The following CSNK1A1 variants were observed in gnomAD, a reference collection of about 807,000 sequenced individuals.
The protein encoded by CSNK1A1 is casein kinase I isoform alpha.
A neutral mutation model predicts 46.1 loss-of-function variants in CSNK1A1; 7 were observed. The ratio of observed to expected loss-of-function variants is 0.15; its 90% confidence interval spans 0.09 to 0.29. The LOEUF is 0.29. Ranked by LOEUF, CSNK1A1 falls within the 10% of genes least tolerant of loss-of-function variation. The pLI, the probability that CSNK1A1 is intolerant of heterozygous loss-of-function variation, is 1.00. For synonymous variants in CSNK1A1, 137 were observed against 141.5 expected (o/e 0.97, Z 0.23); for missense variants, 96 against 417.1 (o/e 0.23, Z 6.71).
chr5:149,497,123 T>G, intron 9 of CSNK1A1: 1 of 1,198,954 alleles, frequency 8.3e-7, no homozygotes, highest in Non-Finnish European at 1.0e-6. Context: ...AAATAATTAT[T>G]AGTAATTCAA....
intron 3 of CSNK1A1, among the ~76,000 whole-genome samples, chr5:149,521,239 C>A (rs549424890): frequency 1.1e-4 from 16 of 149,414 alleles, no homozygotes; most frequent in Non-Finnish European, 1.9e-4. Flanking sequence ...CTGCCTTCCA[C>A]AATAGGCTGT....
Position 149,525,825 on chromosome 5 carries a change from A to G in CSNK1A1, c.231-654T>C, listed in dbSNP as rs1761712173. On this transcript the variant is annotated intron_variant, in intron 2 of 9. Transcript: ENST00000377843. The surrounding 1 kb of genome is among the most constrained non-coding windows in gnomAD (Gnocchi z 4.2). Reference sequence around the variant, plus strand: ...CCAATTTCATTTATCCCAAGGACTGAAAATCACTGCAATAAATTATTTCAA... The same window carrying G: ...CCAATTTCATTTATCCCAAGGACTGGAAATCACTGCAATAAATTATTTCAA... Among the ~76,000 whole-genome samples the G allele has an allele frequency of 6.6e-6, 1 of 152,230 alleles. No individual in the cohort carries two copies. The highest frequency in any genetic ancestry group is 1.5e-5 in the Non-Finnish European group (1 of 68,038).
intron 3 of CSNK1A1, 89 bp downstream of exon 3, chr5:149,524,956 A>G: frequency 8.2e-7 from 1 of 1,225,326 alleles, no homozygotes; most frequent in Non-Finnish European, 1.1e-6. Flanking sequence ...ATAGTGATGC[A>G]CAGGATTTTA....
chr5:149,523,845 T>G (rs1465045773), intron 3 of CSNK1A1, among the ~76,000 whole-genome samples: 1 of 152,226 alleles, frequency 6.6e-6, no homozygotes, highest in African/African-American at 2.4e-5. Flanking sequence ...TCTAGCTATT[T>G]TGAAATAAAC....
Position 149,525,905 on chromosome 5 carries a change from C to T in CSNK1A1, c.231-734G>A, listed in dbSNP as rs548181123. Among the ~76,000 whole-genome samples, 1 of 152,304 alleles carries T rather than the reference C, an allele frequency of 6.6e-6. No individual in the cohort carries two copies. The highest frequency in any genetic ancestry group is 2.1e-4 in the South Asian group (1 of 4,828). ...ACTTTCCTTAAAATAAGCACTACCA[C>T]TTTTCTTTCAAACTTTTCTAGATAT... On this transcript the variant is annotated intron_variant, in intron 2 of 9. Transcript: ENST00000377843. This position sits in a 1 kb window ranked among gnomAD's most constrained non-coding sequence, Gnocchi z 4.2.
chr5:149,501,067 A>C, intron 9 of CSNK1A1: 1 of 985,392 alleles, frequency 1.0e-6, no homozygotes, highest in Non-Finnish European at 1.2e-6. Flanking sequence ...ATTCAACACC[A>C]CTGAGTCATA....
chr5:149,551,024 G>A lies in CSNK1A1; in HGVS notation c.-60C>T. 1.9e-6 allele frequency: 3 copies of A among 1,600,340 alleles called. No individual in the cohort carries two copies. Among genetic ancestry groups the A allele is most frequent in the South Asian group, 1.1e-5 (1 of 90,810 alleles). ...CCGACACCTCTGGGAAGAGGACGGA[G>A]GCCTCGGGGCTCCTACACTAGGCAA... On this transcript the variant is annotated 5_prime_UTR_variant, in exon 1 of 10. Transcript: ENST00000377843.
intron 8 of CSNK1A1, among the ~76,000 whole-genome samples, chr5:149,505,799 G>A (rs944039959): frequency 6.6e-6 from 1 of 152,140 alleles, no homozygotes; most frequent in African/African-American, 2.4e-5. Context: ...TTATCTAGGG[G>A]AATACTCATA....
intron 4 of CSNK1A1, 22 bp downstream of exon 4, chr5:149,520,268 A>G (rs1761529118): frequency 3.5e-6 from 5 of 1,411,684 alleles, no homozygotes; most frequent in African/African-American, 1.4e-5. Flanking sequence ...TTGTTCTTTC[A>G]TGCAAAGAGC....
intron 9 of CSNK1A1, chr5:149,503,107 G>C (rs1760924232): frequency 1.0e-6 from 1 of 985,322 alleles, no homozygotes; most frequent in South Asian, 4.7e-5. Flanking sequence ...TGGACCTTAA[G>C]AGACTATGCT....
At chr5:149,504,140 A>G (rs1760956032) in intron 9 of CSNK1A1, 1 of 985,342 alleles carries the variant, frequency 1.0e-6, no homozygotes, top group Admixed American at 6.1e-5. Flanking sequence ...GAGGCAGAGC[A>G]CTGTGTGAAC....
intron 7 of CSNK1A1, among the ~76,000 whole-genome samples, chr5:149,509,452 T>C (rs1048047209): frequency 3.3e-5 from 5 of 150,770 alleles, no homozygotes; most frequent in Admixed American, 2.6e-4. Flanking sequence ...TCTCAGATCC[T>C]TGCAAGACAG....
At chr5:149,535,663 A>G (rs986202139) in intron 2 of CSNK1A1, among the ~76,000 whole-genome samples, 1 of 152,168 alleles carries the variant, frequency 6.6e-6, no homozygotes, top group East Asian at 1.9e-4. Flanking sequence ...TTGTTTTGAA[A>G]TGGAGTCTCA....
At position 149,494,633 on chromosome 5, in the gene CSNK1A1, C is replaced by T. The variant is rs559630085; in HGVS notation, c.*2220G>A. On this transcript the variant is annotated 3_prime_UTR_variant, in exon 10 of 10. Transcript: ENST00000377843. ...TCGTAACAGGATTAGTAACAGCATTCACTGAATTTCACACTCTTCTTTTGT... is the reference window on the plus strand; with the variant it reads ...TCGTAACAGGATTAGTAACAGCATTTACTGAATTTCACACTCTTCTTTTGT... The T allele has an allele frequency of 6.6e-6, 1 of 152,282 alleles. No homozygotes were observed. Among genetic ancestry groups the T allele is most frequent in the Admixed American group, 6.5e-5 (1 of 15,292 alleles). 9.4% of individuals were successfully genotyped at this position (152,282 alleles called of 1,614,324 possible). A position where few individuals can be genotyped will look rare whatever the true frequency, so the allele number is the denominator to read the frequency against.
At chr5:149,520,409 A>G (rs775518453) in intron 3 of CSNK1A1, 21 bp from the exon 4 acceptor site, 1 of 1,351,732 alleles carries the variant, frequency 7.4e-7, no homozygotes, top group South Asian at 1.2e-5. Context: ...AAGAAGGGAG[A>G]GATAATTGAG....
At chr5:149,504,603 C>T (rs1760969051) in intron 9 of CSNK1A1, 18 of 985,332 alleles carry the variant, frequency 1.8e-5, no homozygotes, top group Non-Finnish European at 2.2e-5. Context: ...AGTTCTACTC[C>T]TTACAGGCAG....
In CSNK1A1 at chr5:149,550,759, C is replaced by A; in HGVS notation, c.123+83G>T. ...CGAGTGCGTGCGATGAGGAGAGGCC[C>A]GAGCACTTTGGGGGTGCACGGTGGT... On this transcript the variant is annotated intron_variant, in intron 1 of 9. Transcript: ENST00000377843. The surrounding 1 kb of genome is among the most constrained non-coding windows in gnomAD (Gnocchi z 4.3). 3 of 1,589,046 alleles carry A rather than the reference C, an allele frequency of 1.9e-6. No homozygotes were observed. The highest frequency in any genetic ancestry group is 2.3e-5 in the East Asian group (1 of 44,436).
intron 2 of CSNK1A1, among the ~76,000 whole-genome samples, chr5:149,528,281 G>A (rs1002779723): frequency 3.3e-5 from 5 of 152,086 alleles, no homozygotes; most frequent in African/African-American, 4.8e-5. Context: ...AAAAATAAGC[G>A]TCTCAAAGGC....
At position 149,516,687 on chromosome 5, in the gene CSNK1A1, T is replaced by G. The variant is rs1490324257; in HGVS notation, c.457-3478A>C. 2.6e-5 allele frequency among the ~76,000 whole-genome samples: 4 copies of G among 152,312 alleles called. No individual in the cohort carries two copies. In the East Asian group the frequency reaches 7.7e-4, roughly 29 times the overall value. ...GGCACTATAAAACTAGTTTTATTCT[T>G]ATAATATGCCTAATGATCCACCATC... On this transcript the variant is annotated intron_variant, in intron 4 of 9. Transcript: ENST00000377843.
Sources: allele counts gnomAD v4.1 joint callset (sites outside exome capture counted in the v4.1 genomes callset), GRCh38; gene constraint gnomAD v4.1.1; non-coding constraint Gnocchi (gnomAD v3.1); transcripts MANE v1.5; gene names NCBI Gene and HGNC (gene_info 2026-07-23, HGNC 2026-07-21).